COPS9: variants seen among roughly 807,000 people sequenced by gnomAD.
The protein encoded by COPS9 is COP9 signalosome complex subunit 9.
COPS9 carries 8 observed loss-of-function variants against 7.2 expected under a neutral mutation model. The ratio of observed to expected loss-of-function variants is 1.11; its 90% confidence interval spans 0.65 to 2.00. The LOEUF (loss-of-function observed/expected upper bound fraction) is 2.00, where lower values mean the gene tolerates loss of function less well. Ranked by LOEUF, COPS9 falls within the 30% of genes most tolerant of loss-of-function variation. The pLI, the probability that COPS9 is intolerant of heterozygous loss-of-function variation, is 0.00. For synonymous variants in COPS9, 39 were observed against 28.7 expected, an observed-to-expected ratio of 1.36 and a Z score of -1.14; for missense variants, 74 against 77.7, an observed-to-expected ratio of 0.95 and a Z score of 0.18.
downstream of COPS9, among the ~76,000 whole-genome samples, chr2:240,128,043 G>A (rs1268194845): frequency 3.3e-5 from 5 of 152,208 alleles, no homozygotes; most frequent in African/African-American, 9.6e-5. Context: ...CAAAACCTGC[G>A]CTGTGTGGCC....
chr2:240,126,803 A>G (rs1308344733), downstream of COPS9: 4 of 1,613,774 alleles, frequency 2.5e-6, no homozygotes, highest in African/African-American at 2.7e-5. Context: ...TTTTCCCCTC[A>G]CTTGTTGCTT....
At chr2:240,126,988 G>A (rs571251315), downstream of COPS9, 6 of 1,586,740 alleles carry the variant, frequency 3.8e-6, no homozygotes, top group African/African-American at 5.4e-5. Context: ...GGTCTGGTAG[G>A]TTTGCCTCTG....
chr2:240,127,116 G>T, downstream of COPS9, among the ~76,000 whole-genome samples: 1 of 152,170 alleles, frequency 6.6e-6, no homozygotes, highest in African/African-American at 2.4e-5. Context: ...AGGGTTCCTG[G>T]GACCCACAGG....
chr2:240,127,010 G>T, downstream of COPS9: 1 of 1,554,210 alleles, frequency 6.4e-7, no homozygotes, highest in South Asian at 1.2e-5. Flanking sequence ...AATTCCGAGT[G>T]ACCTGGGACA....
chr2:240,128,510 G>A (rs1465224439), downstream of COPS9, among the ~76,000 whole-genome samples: 1 of 152,100 alleles, frequency 6.6e-6, no homozygotes, highest in Non-Finnish European at 1.5e-5. Flanking sequence ...ATTCCCCGCA[G>A]AGCTGTGCTG....
chr2:240,128,282 C>T (rs2071887376), downstream of COPS9, among the ~76,000 whole-genome samples: 1 of 152,148 alleles, frequency 6.6e-6, no homozygotes, highest in Admixed American at 6.5e-5. Flanking sequence ...ATTTTCTAGG[C>T]CCAAGAAGCC....
chr2:240,131,353 T>A (rs1574947163), intron 2 of COPS9, among the ~76,000 whole-genome samples: 1 of 152,002 alleles, frequency 6.6e-6, no homozygotes, highest in Admixed American at 6.6e-5. Context: ...CTGTTCTGAG[T>A]CCCACGGACA....
At chr2:240,133,761 T>C (rs1055438751) in intron 2 of COPS9, among the ~76,000 whole-genome samples, 172 bp downstream of exon 2, 4 of 152,354 alleles carry the variant, frequency 2.6e-5, no homozygotes, top group East Asian at 3.9e-4. Flanking sequence ...TGCCTGCCAG[T>C]GGCCGCAGCC....
At chr2:240,128,545 C>T (rs1231362702), downstream of COPS9, among the ~76,000 whole-genome samples, 5 of 152,168 alleles carry the variant, frequency 3.3e-5, no homozygotes, top group African/African-American at 4.8e-5. Context: ...ATTATCTGGC[C>T]GGCAGCTGAG....
At chr2:240,135,495 T>G in intron 1 of COPS9, among the ~76,000 whole-genome samples, 1 of 152,130 alleles carries the variant, frequency 6.6e-6, no homozygotes, top group Non-Finnish European at 1.5e-5. Context: ...CATAAGGCCC[T>G]GACATGTAGG....
downstream of COPS9, chr2:240,126,731 A>G (rs781440257): frequency 7.4e-6 from 12 of 1,614,052 alleles, no homozygotes; most frequent in Non-Finnish European, 8.5e-6. Context: ...GCACCTCTAG[A>G]TAACTTCCCA....
chr2:240,127,907 G>A (rs139700642), downstream of COPS9, among the ~76,000 whole-genome samples: 1,981 of 152,080 alleles, frequency 0.013, 23 homozygotes, highest in Non-Finnish European at 0.018. Context: ...TGCCCCCCAA[G>A]TGACAGCCAT....
chr2:240,136,188 C>G, intron 1 of COPS9, 34 bp downstream of exon 1: 1 of 1,495,718 alleles, frequency 6.7e-7, no homozygotes, highest in Non-Finnish European at 8.9e-7. Flanking sequence ...TCCCCGCTCC[C>G]CACGCTCGGA....
At chr2:240,134,612 G>C (rs2071955449) in intron 1 of COPS9, among the ~76,000 whole-genome samples, 1 of 152,136 alleles carries the variant, frequency 6.6e-6, no homozygotes, top group African/African-American at 2.4e-5. Flanking sequence ...GCAGCACCCT[G>C]GACAGCTGGC....
At chr2:240,129,422 T>G (rs2071898601), downstream of COPS9, among the ~76,000 whole-genome samples, 1 of 151,822 alleles carries the variant, frequency 6.6e-6, no homozygotes, top group African/African-American at 2.4e-5. Context: ...CGCCTCACCC[T>G]CCCCAAGAGC....
At chr2:240,136,091 G>A (rs1260162171) in intron 1 of COPS9, 131 bp downstream of exon 1, 1 of 1,283,860 alleles carries the variant, frequency 7.8e-7, no homozygotes, top group Non-Finnish European at 1.0e-6. Context: ...GCGGGGCAGG[G>A]AGCCTGGGAG....
At chr2:240,133,879 C>T in intron 2 of COPS9, 54 bp downstream of exon 2, 2 of 1,572,830 alleles carry the variant, frequency 1.3e-6, no homozygotes, top group South Asian at 1.1e-5. Flanking sequence ...ACTGCCTTCA[C>T]CTAGAGAAGA....
At position 240,132,204 on chromosome 2, in the gene COPS9, C is replaced by T. The variant is rs183615285; in HGVS notation, c.137-1116G>A. 1.2e-4 allele frequency among the ~76,000 whole-genome samples: 18 copies of T among 152,314 alleles called. No individual in the cohort carries two copies. The South Asian group carries it at 1.5e-3, about 12-fold the overall frequency. On this transcript the variant is annotated intron_variant, in intron 2 of 2. Transcript: ENST00000607357. The surrounding 1 kb of genome is among the most constrained non-coding windows in gnomAD (Gnocchi z 4.1). ...TCACAGTCCAGCCCCTGCCTGCTGA[C>T]TTGTCTGGACCCACAATTTTGTAAG... is the stretch of plus-strand genomic sequence containing the variant.
chr2:240,128,868 A>G (rs2071892846), downstream of COPS9, among the ~76,000 whole-genome samples: 1 of 152,214 alleles, frequency 6.6e-6, no homozygotes, highest in South Asian at 2.1e-4. Context: ...GATTCTGTGA[A>G]GGCAAAGGGA....
Sources: gnomAD v4.1 joint callset for allele counts (sites outside exome capture counted in the v4.1 genomes callset) on GRCh38, gnomAD v4.1.1 for gene constraint, Gnocchi (gnomAD v3.1) non-coding constraint, MANE v1.5 for transcripts, NCBI Gene and HGNC (gene_info 2026-07-23, HGNC 2026-07-21) for gene names.